CDH26: variants seen among roughly 807,000 people sequenced by gnomAD.
CDH26 encodes the protein cadherin 26.
CDH26 carries 83 observed loss-of-function variants against 90.3 expected under a neutral mutation model. The ratio of observed to expected loss-of-function variants is 0.92; its 90% CI spans 0.77 to 1.10. The LOEUF (loss-of-function observed/expected upper bound fraction) is 1.10. CDH26 is among the 50% of genes least tolerant of loss of function. The probability of loss-of-function intolerance (pLI) is 0.00; values close to 1 mark genes in which losing one functional copy is unlikely to be tolerated. For synonymous variants in CDH26, 397 were observed against 396.3 expected, an observed-to-expected ratio of 1.00 and a Z score of -0.02; for missense variants, 1,013 against 1,037.6, an observed-to-expected ratio of 0.98 and a Z score of 0.33.
intron 8 of CDH26, among the ~76,000 whole-genome samples, chr20:59,988,540 A>G (rs781192729): frequency 2.6e-5 from 4 of 152,150 alleles, no homozygotes; most frequent in Non-Finnish European, 4.4e-5. Flanking sequence ...ACCACTTTGT[A>G]CCCTGAATAA....
chr20:59,994,913 C>T (rs2061574042), intron 11 of CDH26, among the ~76,000 whole-genome samples: 1 of 152,166 alleles, frequency 6.6e-6, no homozygotes, highest in Non-Finnish European at 1.5e-5. Context: ...CTGGGCTCAC[C>T]CTCTCCTGAT....
rs1208867624 is a variant in CDH26 at position 59,970,179 on chromosome 20, T to C, written c.224T>C (p.Ile75Thr). ...GACCCGGGACCCTTTCCCAAACTCA[T>C]TGGTGAGGTAAGGTGCCTACTCTTA... Reference protein sequence around the residue: ...EEDPGPFPKLIGELFNNMSYN... With the variant: ...EEDPGPFPKLTGELFNNMSYN... Residue 75 changes from isoleucine (I) to threonine (T), a missense_variant, in exon 3 of 18, where the codon ATT becomes ACT. By Grantham distance (89) the Ile-to-Thr change is moderately conservative. Transcript: ENST00000348616. 1.2e-6 allele frequency: 2 copies of C among 1,613,830 alleles called. No individual in the cohort carries two copies. The highest frequency in any genetic ancestry group is 8.5e-7 in the Non-Finnish European group (1 of 1,179,892).
Position 59,958,743 on chromosome 20 carries a change from G to T in CDH26, c.17G>T (p.Gly6Val), listed in dbSNP as rs1215424245. The T allele has an allele frequency of 6.2e-7, 1 of 1,614,064 alleles. No homozygotes were observed. Among genetic ancestry groups the T allele is most frequent in the East Asian group, 2.2e-5 (1 of 44,886 alleles). The change falls in exon 1 of 18, where the codon GGG becomes GTG. Residue 6 changes from glycine (G) to valine (V), a missense_variant. Physicochemically the swap from Gly to Val is moderately radical, Grantham distance 109. Transcript: ENST00000348616. MAMRS[G>V]RHPSLLLLLV... ...TATTCCCATATGGCCATGAGATCCG[G>T]GAGGCACCCCTCGCTGCTGCTGCTT...
intron 16 of CDH26, 59 bp downstream of exon 16, chr20:60,002,925 C>A: frequency 7.8e-7 from 1 of 1,286,922 alleles, no homozygotes. Flanking sequence ...TGCCTAAAAG[C>A]TGTGCAAATC....
chr20:59,991,380 A>C (rs1466411610), intron 9 of CDH26, among the ~76,000 whole-genome samples: 1 of 152,128 alleles, frequency 6.6e-6, no homozygotes, highest in African/African-American at 2.4e-5. Context: ...GACAGGGTGG[A>C]GGCATGATCT....
chr20:60,009,131 A>G (rs917996297), intron 17 of CDH26, among the ~76,000 whole-genome samples: 4 of 152,200 alleles, frequency 2.6e-5, no homozygotes, highest in African/African-American at 7.2e-5. Context: ...ACTATAACCC[A>G]ATGTGGTAGA....
intron 12 of CDH26, 43 bp downstream of exon 12, chr20:59,996,097 C>G (rs766865282): frequency 6.3e-7 from 1 of 1,584,912 alleles, no homozygotes; most frequent in Non-Finnish European, 8.6e-7. Context: ...GGCTCCTCTC[C>G]CCAGGCAATA....
chr20:60,014,533 A>C (rs1306501026), downstream of CDH26: 1 of 151,906 alleles, frequency 6.6e-6, no homozygotes, highest in African/African-American at 2.4e-5. Flanking sequence ...GCTTCCACAT[A>C]TGTGTGAGGA....
downstream of CDH26, among the ~76,000 whole-genome samples, chr20:60,015,486 G>T (rs2061897259): frequency 6.6e-6 from 1 of 152,012 alleles, no homozygotes; most frequent in Non-Finnish European, 1.5e-5. Context: ...TTTTTATTTT[G>T]CTGTTGAGAT....
At chr20:59,959,994 C>T (rs994424813) in intron 1 of CDH26, among the ~76,000 whole-genome samples, 2 of 152,182 alleles carry the variant, frequency 1.3e-5, no homozygotes, top group African/African-American at 2.4e-5. Flanking sequence ...CCTTTGAATA[C>T]CAGCTGAGGG....
intron 7 of CDH26, among the ~76,000 whole-genome samples, chr20:59,987,057 C>T (rs6027225): frequency 3.3e-5 from 5 of 152,156 alleles, no homozygotes; most frequent in African/African-American, 7.2e-5. Context: ...AAATGATCAC[C>T]TTAATCTGAA....
intron 14 of CDH26, among the ~76,000 whole-genome samples, chr20:60,000,700 C>A (rs1412199): frequency 1.3e-5 from 2 of 152,190 alleles, no homozygotes; most frequent in African/African-American, 4.8e-5. Context: ...AAGCCTCCAC[C>A]TTCTAGGTTT....
chr20:59,969,230 G>T (rs917031243), intron 2 of CDH26, among the ~76,000 whole-genome samples: 4 of 152,224 alleles, frequency 2.6e-5, no homozygotes, highest in Non-Finnish European at 4.4e-5. Context: ...AATGTGAGCA[G>T]CCTGTGAACA....
At chr20:59,968,677 A>C (rs2145972677) in intron 1 of CDH26, among the ~76,000 whole-genome samples, 1 of 152,302 alleles carries the variant, frequency 6.6e-6, no homozygotes, top group Middle Eastern at 3.4e-3. Flanking sequence ...TGAATAAACA[A>C]GTTCTACTTC....
At chr20:60,016,420 T>A (rs1026494166), downstream of CDH26, among the ~76,000 whole-genome samples, 1 of 152,190 alleles carries the variant, frequency 6.6e-6, no homozygotes, top group Non-Finnish European at 1.5e-5. Context: ...GCTAGTTTGT[T>A]GTTCATGTAT....
chr20:59,989,235 GA>G (rs2061496633), intron 9 of CDH26, 72 bp downstream of exon 9: 1 of 1,586,322 alleles, frequency 6.3e-7, no homozygotes. Flanking sequence ...GCTCCTGTTA[GA>G]AAACCAGCTC....
chr20:60,023,736 G>A (rs183499541), intron 7 of CDH26, among the ~76,000 whole-genome samples: 4 of 152,278 alleles, frequency 2.6e-5, no homozygotes, highest in Admixed American at 2.6e-4. Context: ...TGAGAGCTTG[G>A]TAATTTGGAG....
chr20:60,001,307 C>G, intron 14 of CDH26, 36 bp from the exon 15 acceptor site: 1 of 1,612,442 alleles, frequency 6.2e-7, no homozygotes, highest in Non-Finnish European at 8.5e-7. Flanking sequence ...GAGAGAAATC[C>G]ATTCTCTTTT....
intron 11 of CDH26, among the ~76,000 whole-genome samples, chr20:59,995,578 C>T (rs1156673111): frequency 2.0e-5 from 3 of 152,216 alleles, no homozygotes; most frequent in East Asian, 1.9e-4. Flanking sequence ...AAAAACGGCA[C>T]CATCACTGTA....
Sources: allele counts gnomAD v4.1 joint callset (sites outside exome capture counted in the v4.1 genomes callset), GRCh38; gene constraint gnomAD v4.1.1; transcripts MANE v1.5; gene names NCBI Gene and HGNC (gene_info 2026-07-23, HGNC 2026-07-21).